Variants in SLC39A11 observed in about 807,000 individuals in gnomAD.
The protein encoded by SLC39A11 is zinc transporter ZIP11.
Under a neutral mutation model 36.1 loss-of-function variants are expected in SLC39A11, and 33 were observed. The observed-to-expected ratio is 0.91, with a 90% CI of 0.69 to 1.22. SLC39A11 has a LOEUF of 1.22. Ranked by LOEUF, SLC39A11 falls within the 50% of genes most tolerant of loss-of-function variation. The pLI, the probability that SLC39A11 is intolerant of heterozygous loss-of-function variation, is 0.00. For missense variants in SLC39A11, 432 were observed against 430.3 expected (o/e 1.00, Z -0.03); for synonymous variants, 166 against 170.3 (o/e 0.97, Z 0.20).
At chr17:73,020,806 C>G (rs1423800324) in intron 4 of SLC39A11, among the ~76,000 whole-genome samples, 1 of 151,582 alleles carries the variant, frequency 6.6e-6, no homozygotes, top group Non-Finnish European at 1.5e-5. Context: ...CCCCAGCCTC[C>G]CGAGTAGCTG....
At chr17:72,703,256 C>T (rs1163910906) in intron 7 of SLC39A11, among the ~76,000 whole-genome samples, 2 of 152,112 alleles carry the variant, frequency 1.3e-5, no homozygotes, top group Non-Finnish European at 2.9e-5. Flanking sequence ...GCTTTAGGAG[C>T]GAGAAAGACA....
At chr17:73,064,198 C>T (rs2344872) in intron 3 of SLC39A11, among the ~76,000 whole-genome samples, 126,052 of 152,174 alleles carry the variant, frequency 0.83, 52,489 homozygotes, top group East Asian at 0.94. Flanking sequence ...CTGATGGTTC[C>T]ATTTGGTTTG....
At chr17:73,023,518 GTC>G (rs2058428112) in intron 4 of SLC39A11, among the ~76,000 whole-genome samples, 4 of 152,114 alleles carry the variant, frequency 2.6e-5, no homozygotes, top group Non-Finnish European at 4.4e-5. Context: ...TTGAGGCAGT[GTC>G]TCACTCTTGC....
At chr17:72,692,138 A>C (rs141437498) in intron 7 of SLC39A11, among the ~76,000 whole-genome samples, 1 of 151,680 alleles carries the variant, frequency 6.6e-6, no homozygotes, top group Non-Finnish European at 1.5e-5. Flanking sequence ...AGCCTTCCTG[A>C]GTAGCTGGGA....
chr17:72,956,038 T>C (rs752843012), intron 4 of SLC39A11, among the ~76,000 whole-genome samples: 45 of 152,236 alleles, frequency 3.0e-4, no homozygotes, highest in Non-Finnish European at 6.3e-4. Context: ...TCCTCCTTTC[T>C]GGCATAAATA....
chr17:72,779,422 C>A (rs1236610435), intron 6 of SLC39A11, among the ~76,000 whole-genome samples: 3 of 151,058 alleles, frequency 2.0e-5, no homozygotes, highest in African/African-American at 7.3e-5. Flanking sequence ...GAGAGTCAGT[C>A]TCAAAAAAAT....
At chr17:72,949,540 G>C (rs545214622) in intron 4 of SLC39A11, among the ~76,000 whole-genome samples, 1 of 152,076 alleles carries the variant, frequency 6.6e-6, no homozygotes, top group East Asian at 1.9e-4. Context: ...TCAGTGACTG[G>C]TGAGAGCCTG....
intron 4 of SLC39A11, among the ~76,000 whole-genome samples, chr17:72,963,166 TTTC>T (rs1391493809): frequency 3.1e-5 from 2 of 64,480 alleles, no homozygotes; most frequent in African/African-American, 6.5e-5. Flanking sequence ...CTTTTTTTCC[TTTC>T]TTTTTTTTTT....
chr17:72,929,934 A>G (rs1292263427), intron 5 of SLC39A11, among the ~76,000 whole-genome samples: 3 of 152,212 alleles, frequency 2.0e-5, no homozygotes, highest in African/African-American at 4.8e-5. Context: ...CCCAGGGGAA[A>G]GCAACACTGA....
chr17:72,909,871 G>C (rs570668218), intron 5 of SLC39A11, among the ~76,000 whole-genome samples: 1 of 151,090 alleles, frequency 6.6e-6, no homozygotes, highest in Admixed American at 6.6e-5. Flanking sequence ...TCAGCCTCCC[G>C]AGTAGCTGGG....
chr17:72,960,775 T>C (rs1029904639), intron 4 of SLC39A11, among the ~76,000 whole-genome samples: 11 of 151,952 alleles, frequency 7.2e-5, no homozygotes, highest in African/African-American at 2.7e-4. Context: ...CGCACCACTG[T>C]ACTCCTGCCA....
At chr17:73,003,639 G>T (rs2089957153) in intron 4 of SLC39A11, among the ~76,000 whole-genome samples, 1 of 152,174 alleles carries the variant, frequency 6.6e-6, no homozygotes, top group Non-Finnish European at 1.5e-5. Context: ...GAGGTGTGCT[G>T]TTGTGAGTCC....
chr17:72,736,689 G>A lies in SLC39A11; in HGVS notation c.632C>T (p.Ala211Val). The A allele has an allele frequency of 6.2e-7, 1 of 1,613,994 alleles. No individual in the cohort carries two copies. The highest frequency in any genetic ancestry group is 8.5e-7 in the Non-Finnish European group (1 of 1,179,954). Reference sequence around the variant, plus strand: ...GGTAGCAGATGCCGTCTTTTCTATAGCCCCAAATCCAACTCCAACAGCGAG... The same window carrying A: ...GGTAGCAGATGCCGTCTTTTCTATAACCCCAAATCCAACTCCAACAGCGAG... ...EGLAVGVGFGAIEKTASATFE... is the reference protein window; with the variant it reads ...EGLAVGVGFGVIEKTASATFE... The change falls in exon 7 of 10, where the codon GCT (alanine) becomes GTT (valine). Residue 211 changes from alanine (A) to valine (V), a missense_variant. Ala to Val is a moderately conservative substitution (Grantham distance 64). Coordinates refer to ENST00000255559, the MANE Select transcript of SLC39A11 (RefSeq NM_139177.4).
intron 6 of SLC39A11, among the ~76,000 whole-genome samples, chr17:72,847,538 G>A (rs1377480782): frequency 4.6e-5 from 7 of 152,104 alleles, no homozygotes; most frequent in African/African-American, 1.4e-4. Context: ...ACCTATGATC[G>A]TATGATAGAC....
At chr17:73,061,239 A>G (rs2059831257) in intron 3 of SLC39A11, among the ~76,000 whole-genome samples, 1 of 152,162 alleles carries the variant, frequency 6.6e-6, no homozygotes, top group Non-Finnish European at 1.5e-5. Flanking sequence ...AGGTACCTGT[A>G]GTCCCAGCTA....
chr17:73,066,479 C>CA (rs2059999824), intron 3 of SLC39A11, among the ~76,000 whole-genome samples: 1 of 152,192 alleles, frequency 6.6e-6, no homozygotes, highest in African/African-American at 2.4e-5. Flanking sequence ...ACCTCCTTGG[C>CA]AAAAACACCT....
rs561599767 is a variant in SLC39A11, at chr17:72,878,726, C to A, written c.431-28922G>T. Among the ~76,000 whole-genome samples the A allele has an allele frequency of 2.3e-4, 35 of 152,294 alleles. No homozygotes were observed. In the South Asian group the frequency reaches 6.6e-3, roughly 29 times the overall value. ...AAATCAACACAGAATACTTCTATGACCTCTGGTCACCAAACTGTATGGGGA... is the reference window on the plus strand; with the variant it reads ...AAATCAACACAGAATACTTCTATGAACTCTGGTCACCAAACTGTATGGGGA... On this transcript the variant is annotated intron_variant, in intron 5 of 9. Coordinates refer to ENST00000255559, the MANE Select transcript of SLC39A11 (RefSeq NM_139177.4).
At chr17:72,839,096 A>G (rs1215445249) in intron 6 of SLC39A11, 1 of 152,272 alleles carries the variant, frequency 6.6e-6, no homozygotes, top group Non-Finnish European at 1.5e-5. Context: ...AAAGCCAGTG[A>G]TGGGAAATAA....
chr17:73,039,828 T>C (rs1000954161), intron 3 of SLC39A11, among the ~76,000 whole-genome samples: 2 of 152,138 alleles, frequency 1.3e-5, no homozygotes, highest in Admixed American at 1.3e-4. Context: ...AAACCTCACT[T>C]AACAGAAGAA....
Sources: gnomAD v4.1 joint callset for allele counts (sites outside exome capture counted in the v4.1 genomes callset) on GRCh38, gnomAD v4.1.1 for gene constraint, MANE v1.5 for transcripts, NCBI Gene and HGNC (gene_info 2026-07-23, HGNC 2026-07-21) for gene names.